NACC2: variants seen among roughly 807,000 people sequenced by gnomAD.
NACC2 encodes the protein NACC family member 2.
In NACC2, 8 loss-of-function variants were observed where a neutral mutation model predicts 25.1. That is an observed-to-expected ratio of 0.32 (90% CI 0.19 to 0.57). NACC2 has a LOEUF of 0.57. Ranked by LOEUF, NACC2 falls within the 20% of genes least tolerant of loss-of-function variation. NACC2 has a pLI of 0.89. For missense variants in NACC2, 644 were observed against 650.2 expected, an observed-to-expected ratio of 0.99 and a Z score of 0.10; for synonymous variants, 435 against 294.7, an observed-to-expected ratio of 1.48 and a Z score of -4.88.
chr9:136,048,047 C>T (rs1840755640), intron 2 of NACC2, among the ~76,000 whole-genome samples: 1 of 152,174 alleles, frequency 6.6e-6, no homozygotes, highest in Admixed American at 6.5e-5. Flanking sequence ...CTCCCTGACC[C>T]GTCGGCAACC....
At chr9:136,059,777 C>G (rs1294032444) in intron 1 of NACC2, among the ~76,000 whole-genome samples, 1 of 152,186 alleles carries the variant, frequency 6.6e-6, no homozygotes, top group African/African-American at 2.4e-5. Flanking sequence ...GTGTGTGTAT[C>G]CGTGTGGCCC....
At chr9:136,064,986 G>A (rs1029176904) in intron 1 of NACC2, among the ~76,000 whole-genome samples, 1 of 152,174 alleles carries the variant, frequency 6.6e-6, no homozygotes, top group African/African-American at 2.4e-5. Context: ...GTGGTGCTGG[G>A]ACGACTGGAT....
At chr9:136,028,245 A>T (rs959908205) in intron 2 of NACC2, among the ~76,000 whole-genome samples, 2 of 151,898 alleles carry the variant, frequency 1.3e-5, no homozygotes, top group African/African-American at 4.8e-5. Context: ...ACCATTAAGG[A>T]ACACTCCATT....
At chr9:136,042,875 GACAC>G (rs1347177001) in intron 2 of NACC2, among the ~76,000 whole-genome samples, 3 of 140,382 alleles carry the variant, frequency 2.1e-5, no homozygotes, top group East Asian at 4.5e-4. Flanking sequence ...GAGACAAACA[GACAC>G]ACACACAGAC....
At position 136,022,550 on chromosome 9, in the gene NACC2, CT is replaced by C. The variant is rs1342138723; in HGVS notation, c.887-6122del. Reference sequence around the variant, plus strand: ...CCCTGCTGTTGCCCCTTCCACCCAGCTTTGGGGGTGGGTCCATGGTCCCAGC... The same window carrying C: ...CCCTGCTGTTGCCCCTTCCACCCAGCTTGGGGGTGGGTCCATGGTCCCAGC... On this transcript the variant is annotated intron_variant, in intron 2 of 5. Transcript: ENST00000277554. The surrounding 1 kb of genome is among the most constrained non-coding windows in gnomAD (Gnocchi z 4.4). Among the ~76,000 whole-genome samples the C allele has an allele frequency of 6.6e-6, 1 of 152,216 alleles. No individual in the cohort carries two copies. The highest frequency in any genetic ancestry group is 1.5e-5 in the Non-Finnish European group (1 of 68,038).
In NACC2 at chr9:136,066,183, AC is replaced by A. The variant is rs1358495161; in HGVS notation, c.-59-15604del. Among the ~76,000 whole-genome samples, 5 of 140,662 alleles carry A rather than the reference AC, an allele frequency of 3.6e-5. No homozygotes were observed. In the East Asian group the frequency reaches 7.9e-4, roughly 22 times the overall value. 92.3% of individuals were successfully genotyped at this position (140,662 alleles called of 152,430 possible). On this transcript the variant is annotated intron_variant, in intron 1 of 5. Transcript: ENST00000277554. ...ACTCTAGCCTGGGCAATAGAGTGAA[AC>A]CCCATCTCAAAAAAAAAAAAAGAAA...
At chr9:136,070,715 G>C (rs1469593426) in intron 1 of NACC2, among the ~76,000 whole-genome samples, 2 of 146,812 alleles carry the variant, frequency 1.4e-5, no homozygotes, top group Admixed American at 1.3e-4. Flanking sequence ...CAGAAGAAAA[G>C]AAATGATAAA....
chr9:136,078,630 G>A (rs1830289029), intron 1 of NACC2, among the ~76,000 whole-genome samples: 1 of 152,204 alleles, frequency 6.6e-6, no homozygotes, highest in Non-Finnish European at 1.5e-5. Flanking sequence ...GAGGCAAGAG[G>A]GGCCAGCCCA....
chr9:136,073,216 C>A (rs562470497), intron 1 of NACC2, among the ~76,000 whole-genome samples: 1 of 151,938 alleles, frequency 6.6e-6, no homozygotes, highest in African/African-American at 2.4e-5. Context: ...TCACTTGAGC[C>A]CAAGAGTCCA....
intron 1 of NACC2, among the ~76,000 whole-genome samples, chr9:136,067,791 C>T (rs1477836303): frequency 4.6e-5 from 7 of 152,220 alleles, no homozygotes; most frequent in Non-Finnish European, 7.3e-5. Context: ...GCCGAGATCG[C>T]GGCACTGCCT....
At chr9:136,014,965 G>A (rs547329227) in intron 3 of NACC2, among the ~76,000 whole-genome samples, 1 of 143,142 alleles carries the variant, frequency 7.0e-6, no homozygotes, top group African/African-American at 2.6e-5. Context: ...CAGTCTCAAT[G>A]ACCATGAGAT....
At chr9:136,069,612 A>G (rs944148524) in intron 1 of NACC2, among the ~76,000 whole-genome samples, 1 of 151,840 alleles carries the variant, frequency 6.6e-6, no homozygotes, top group African/African-American at 2.4e-5. Flanking sequence ...ATAATGATAT[A>G]GGTAGGTTAA....
Position 136,011,329 on chromosome 9 carries a change from T to G in NACC2, c.*187A>C. On this transcript the variant is annotated 3_prime_UTR_variant, in exon 6 of 6. Coordinates refer to ENST00000277554, the MANE Select transcript of NACC2 (RefSeq NM_144653.5). ...TCGCAGGAGGCTGCCAGTGGCCTAA[T>G]TGTTTACAGTATAATGAATGCATTT... is the stretch of plus-strand genomic sequence containing the variant. 1.6e-6 allele frequency: 1 copy of G among 622,572 alleles called. No homozygotes were observed. The highest frequency in any genetic ancestry group is 2.3e-6 in the Non-Finnish European group (1 of 431,940). 38.6% of individuals were successfully genotyped at this position (622,572 alleles called of 1,614,324 possible).
In NACC2 at chr9:136,013,214, G is replaced by T; in HGVS notation, c.1240C>A (p.Leu414Met). The change falls in exon 5 of 6, where the codon CTG becomes ATG. Residue 414 changes from leucine to methionine, a missense_variant. Physicochemically the swap from Leu to Met is conservative, Grantham distance 15. Coordinates refer to ENST00000277554, the MANE Select transcript of NACC2 (RefSeq NM_144653.5). This position sits in a 1 kb window ranked among gnomAD's most constrained non-coding sequence, Gnocchi z 6.6. ...AGGCTCTTACATTTCACAGCGTTCA[G>T]GACCCGGCTGTCCAGCGGCTTCCGG... The part of the protein sequence containing the change: ...PSRKPLDSRV[L>M]NAVKLYCQNF... The T allele has an allele frequency of 6.5e-7, 1 of 1,544,660 alleles. No homozygotes were observed. The highest frequency in any genetic ancestry group is 1.1e-5 in the South Asian group (1 of 89,898).
chr9:136,039,884 G>C (rs1840602458), intron 2 of NACC2, among the ~76,000 whole-genome samples: 1 of 151,964 alleles, frequency 6.6e-6, no homozygotes, highest in African/African-American at 2.4e-5. Flanking sequence ...ACTCAATCTG[G>C]AGTGGAGATC....
intron 2 of NACC2, among the ~76,000 whole-genome samples, chr9:136,047,565 G>A (rs1268468232): frequency 2.6e-5 from 4 of 152,310 alleles, no homozygotes; most frequent in Middle Eastern, 3.4e-3. Flanking sequence ...CAGCACCTGC[G>A]GCCTGGACAA....
chr9:136,011,496 G>T lies in NACC2; in HGVS notation c.*20C>A. On this transcript the variant is annotated 3_prime_UTR_variant, in exon 6 of 6. Coordinates refer to ENST00000277554, the MANE Select transcript of NACC2 (RefSeq NM_144653.5). ...AAGCAGCTCTAGTACTCGGTCCCTC[G>T]CGCAGCCACCCAGCTCCGCTTACAA... 1.5e-6 allele frequency: 2 copies of T among 1,356,796 alleles called. No homozygotes were observed. The highest frequency in any genetic ancestry group is 4.2e-5 in the South Asian group (2 of 48,008). 84.0% of individuals were successfully genotyped at this position (1,356,796 alleles called of 1,614,324 possible).
At position 136,092,891 on chromosome 9, in the gene NACC2, C is replaced by G. The variant is rs73554868; in HGVS notation, c.-60+2298G>C. ...GGATCTCGGAACCCACTGCGTGACC[C>G]TGCAAAGGGGATGGAGTGACCCCAA... On this transcript the variant is annotated intron_variant, in intron 1 of 5. Transcript: ENST00000277554. 4.5e-3 allele frequency among the ~76,000 whole-genome samples: 693 copies of G among 152,336 alleles called. 7 individuals carry two copies. The highest frequency in any genetic ancestry group is 0.015 in the African/African-American group (633 of 41,574).
chr9:136,025,138 C>T (rs561751112), intron 2 of NACC2, among the ~76,000 whole-genome samples: 1 of 152,332 alleles, frequency 6.6e-6, no homozygotes, highest in South Asian at 2.1e-4. Context: ...GAACACCAGG[C>T]TTTCAGCTGA....
Sources: gnomAD v4.1 joint callset for allele counts (sites outside exome capture counted in the v4.1 genomes callset) on GRCh38, gnomAD v4.1.1 for gene constraint, Gnocchi (gnomAD v3.1) non-coding constraint, MANE v1.5 for transcripts, NCBI Gene and HGNC (gene_info 2026-07-23, HGNC 2026-07-21) for gene names.